BCKDHB: variants seen among roughly 807,000 people sequenced by gnomAD.
BCKDHB encodes the protein branched chain keto acid dehydrogenase E1 subunit beta.
BCKDHB carries 41 observed loss-of-function variants against 48.5 expected under a neutral mutation model. The observed-to-expected ratio is 0.85, with a 90% CI of 0.66 to 1.10. BCKDHB has a LOEUF of 1.10. Ranked by LOEUF, BCKDHB falls within the 50% of genes least tolerant of loss-of-function variation. BCKDHB has a pLI of 0.00. For synonymous variants in BCKDHB, 201 were observed against 174.8 expected, an observed-to-expected ratio of 1.15 and a Z score of -1.18; for missense variants, 496 against 494.2, an observed-to-expected ratio of 1.00 and a Z score of -0.03.
At chr6:80,400,784 A>T in the BCKDHB span, among the ~76,000 whole-genome samples, 1 of 152,080 alleles carries the variant, frequency 6.6e-6, no homozygotes, top group Non-Finnish European at 1.5e-5. Flanking sequence ...TTGCAGCGCT[A>T]TTCACAATGG....
chr6:80,444,044 T>C, the BCKDHB span, among the ~76,000 whole-genome samples: 1 of 152,004 alleles, frequency 6.6e-6, no homozygotes, highest in Non-Finnish European at 1.5e-5. Context: ...ACTCTCTAGA[T>C]TATGATATGG....
At chr6:80,236,807 G>T (rs1220759950) in intron 8 of BCKDHB, among the ~76,000 whole-genome samples, 1 of 152,138 alleles carries the variant, frequency 6.6e-6, no homozygotes, top group Non-Finnish European at 1.5e-5. Flanking sequence ...GATTGAAAGA[G>T]ACTTTATCTT....
chr6:80,398,880 C>T, the BCKDHB span, among the ~76,000 whole-genome samples: 1 of 152,220 alleles, frequency 6.6e-6, no homozygotes, highest in Admixed American at 6.5e-5. Flanking sequence ...AGTAGCACAT[C>T]CAAAAGCTTA....
intron 8 of BCKDHB, among the ~76,000 whole-genome samples, chr6:80,235,998 C>A (rs907840641): frequency 1.3e-5 from 2 of 152,144 alleles, no homozygotes; most frequent in African/African-American, 4.8e-5. Flanking sequence ...GGCAACTTAA[C>A]CTGTGCTCCA....
chr6:80,426,535 A>C, the BCKDHB span, among the ~76,000 whole-genome samples: 1 of 152,100 alleles, frequency 6.6e-6, no homozygotes, highest in Non-Finnish European at 1.5e-5. Flanking sequence ...ATTTCCATTA[A>C]GTTAAAAATG....
At position 80,344,471 on chromosome 6, in the gene BCKDHB, G is replaced by T. The variant is rs1414788729; in HGVS notation, c.*667G>T. On this transcript the variant is annotated 3_prime_UTR_variant, in exon 10 of 10. Coordinates refer to ENST00000320393, the MANE Select transcript of BCKDHB (RefSeq NM_183050.4). ...AGCGATTGTCCTGCCTCAGTCTCCT[G>T]AGTAGCTGGGACTACAGGTGTGCAC... is the stretch of plus-strand genomic sequence containing the variant. 6.5e-6 allele frequency: 1 copy of T among 154,546 alleles called. No individual in the cohort carries two copies. Among genetic ancestry groups the T allele is most frequent in the Non-Finnish European group, 1.4e-5 (1 of 69,922 alleles). The allele number at this position is 154,546 out of a possible 1,614,324, so 9.6% of individuals were successfully genotyped here.
intron 6 of BCKDHB, among the ~76,000 whole-genome samples, chr6:80,177,852 T>G (rs1333635084): frequency 1.3e-5 from 2 of 152,198 alleles, no homozygotes; most frequent in Non-Finnish European, 2.9e-5. Flanking sequence ...TAAAAACAAT[T>G]TACCTGTAGT....
At chr6:80,465,253 G>GT in the BCKDHB span, among the ~76,000 whole-genome samples, 1 of 152,320 alleles carries the variant, frequency 6.6e-6, no homozygotes, top group East Asian at 1.9e-4. Flanking sequence ...TGGAAGTGAA[G>GT]TAAGCTGCTG....
chr6:80,221,817 T>C (rs1005403588), intron 8 of BCKDHB, among the ~76,000 whole-genome samples: 1 of 152,220 alleles, frequency 6.6e-6, no homozygotes, highest in African/African-American at 2.4e-5. Context: ...AATTAGTGTT[T>C]TTGAGTAAAA....
chr6:80,355,541 A>G, the BCKDHB span: 1 of 152,066 alleles, frequency 6.6e-6, no homozygotes, highest in Non-Finnish European at 1.5e-5. Flanking sequence ...GTAAAAGTCT[A>G]TGTACCCTCC....
chr6:80,142,534 A>G (rs957617501), intron 3 of BCKDHB, among the ~76,000 whole-genome samples: 1 of 152,094 alleles, frequency 6.6e-6, no homozygotes, highest in African/African-American at 2.4e-5. Context: ...CCTTTGGGAC[A>G]CAGGAATGGG....
chr6:80,408,145 A>G, the BCKDHB span, among the ~76,000 whole-genome samples: 3 of 151,900 alleles, frequency 2.0e-5, no homozygotes, highest in African/African-American at 4.8e-5. Context: ...TGTTTGTGTG[A>G]TGGATTACTT....
chr6:80,181,469 C>T (rs979745392), intron 6 of BCKDHB, among the ~76,000 whole-genome samples: 16 of 152,182 alleles, frequency 1.1e-4, no homozygotes, highest in Admixed American at 3.3e-4. Context: ...TTATATAGCT[C>T]ATCTGCAGGT....
chr6:80,334,224 T>C (rs1052215705), intron 9 of BCKDHB, among the ~76,000 whole-genome samples: 6 of 152,160 alleles, frequency 3.9e-5, no homozygotes, highest in African/African-American at 7.2e-5. Context: ...GAATTTTATT[T>C]CCATTGGATA....
chr6:80,360,545 C>A, the BCKDHB span, among the ~76,000 whole-genome samples: 1 of 152,188 alleles, frequency 6.6e-6, no homozygotes, highest in Admixed American at 6.5e-5. Context: ...ATGACTAAAA[C>A]TAAGAGCCTT....
intron 8 of BCKDHB, among the ~76,000 whole-genome samples, chr6:80,260,440 A>C (rs980440332): frequency 1.1e-4 from 17 of 152,110 alleles, no homozygotes; most frequent in African/African-American, 3.4e-4. Context: ...GTAGTATATA[A>C]ACACACTGGA....
At chr6:80,456,079 G>C in the BCKDHB span, among the ~76,000 whole-genome samples, 1 of 152,070 alleles carries the variant, frequency 6.6e-6, no homozygotes, top group Non-Finnish European at 1.5e-5. Context: ...GTCTGGGGTG[G>C]TGATGGGCGC....
the BCKDHB span, among the ~76,000 whole-genome samples, chr6:80,457,688 T>G: frequency 6.6e-6 from 1 of 152,232 alleles, no homozygotes; most frequent in Non-Finnish European, 1.5e-5. Flanking sequence ...GAGACCTGTC[T>G]CATCTACCGG....
chr6:80,298,336 T>A (rs1223176087), intron 9 of BCKDHB, among the ~76,000 whole-genome samples: 1 of 152,152 alleles, frequency 6.6e-6, no homozygotes, highest in African/African-American at 2.4e-5. Flanking sequence ...TGGTCACACC[T>A]GGCCTCAAGT....
Sources: allele counts gnomAD v4.1 joint callset (sites outside exome capture counted in the v4.1 genomes callset), GRCh38; gene constraint gnomAD v4.1.1; transcripts MANE v1.5; gene names NCBI Gene and HGNC (gene_info 2026-07-23, HGNC 2026-07-21).